HIBCH: variants seen among roughly 807,000 people sequenced by gnomAD.
The protein encoded by HIBCH is 3-hydroxyisobutyryl-CoA hydrolase.
HIBCH carries 50 observed loss-of-function variants against 58.2 expected under a neutral mutation model. That is an observed-to-expected ratio of 0.86 (90% CI 0.68 to 1.09). The LOEUF (loss-of-function observed/expected upper bound fraction) is 1.09. Among genes scored for constraint, HIBCH ranks in the 50% least tolerant of loss-of-function variants. The pLI is 0.00. For synonymous variants in HIBCH, 151 were observed against 146.9 expected (o/e 1.03, Z -0.20); for missense variants, 450 against 449.7 (o/e 1.00, Z -0.01).
chr2:190,288,455 A>G (rs1198463005), intron 5 of HIBCH, among the ~76,000 whole-genome samples: 2 of 150,362 alleles, frequency 1.3e-5, no homozygotes, highest in African/African-American at 4.9e-5. Context: ...ATTTCTGGAG[A>G]AACTTTTGCA....
chr2:190,242,277 T>C (rs1364929968), intron 11 of HIBCH, among the ~76,000 whole-genome samples: 1 of 151,832 alleles, frequency 6.6e-6, no homozygotes, highest in Non-Finnish European at 1.5e-5. Flanking sequence ...TTCAAGAAGA[T>C]TTATGTTCTT....
intron 11 of HIBCH, among the ~76,000 whole-genome samples, chr2:190,237,149 T>C (rs1277338809): frequency 1.3e-5 from 2 of 152,228 alleles, no homozygotes; most frequent in East Asian, 3.8e-4. Context: ...TGCATAGTTC[T>C]ATGAGTTTTG....
chr2:190,297,746 T>G (rs1688141760), intron 2 of HIBCH, among the ~76,000 whole-genome samples: 1 of 152,196 alleles, frequency 6.6e-6, no homozygotes. Context: ...TCAGGACTCA[T>G]GGCATCACTA....
chr2:190,196,707 C>T (rs1689995599), intron 1 of HIBCH, among the ~76,000 whole-genome samples: 1 of 152,056 alleles, frequency 6.6e-6, no homozygotes, highest in African/African-American at 2.4e-5. Flanking sequence ...TGAACTTAGT[C>T]AAATGTGGTC....
At chr2:190,297,702 C>T (rs1005676844) in intron 2 of HIBCH, among the ~76,000 whole-genome samples, 4 of 152,210 alleles carry the variant, frequency 2.6e-5, no homozygotes, top group African/African-American at 7.2e-5. Context: ...TTTAACTATA[C>T]TGTGATTTCC....
chr2:190,215,499 C>A lies in HIBCH; in HGVS notation c.892-2424G>T, dbSNP rs1333717633. ...GCTGCAGAGGCTCAGTGATCAAATG[C>A]GAAAATATTCAGGATTAAATCCAGA... On this transcript the variant is annotated intron_variant, in intron 11 of 13. Coordinates refer to ENST00000359678, the MANE Select transcript of HIBCH (RefSeq NM_014362.4). The surrounding 1 kb of genome is among the most constrained non-coding windows in gnomAD (Gnocchi z 4.4). The A allele has an allele frequency of 1.3e-5, 2 of 152,088 alleles. No individual in the cohort carries two copies. Among genetic ancestry groups the A allele is most frequent in the African/African-American group, 2.4e-5 (1 of 41,414 alleles). The allele number at this position is 152,088 out of a possible 1,614,324, so 9.4% of individuals were successfully genotyped here. A position where few individuals can be genotyped will look rare whatever the true frequency, so the allele number is the denominator to read the frequency against.
At position 190,309,656 on chromosome 2, in the gene HIBCH, C is replaced by T. The variant is rs184912725; in HGVS notation, c.78+1098G>A. 5.5e-3 allele frequency among the ~76,000 whole-genome samples: 835 copies of T among 151,554 alleles called. 5 individuals carry two copies. The highest frequency in any genetic ancestry group is 0.019 in the African/African-American group (794 of 41,266). ...CTGCAAGCTCTGCCTCCCGGGTTCA[C>T]GCCATTCTCCTGCCTCAGCCTCCTG... On this transcript the variant is annotated intron_variant, in intron 2 of 13. Coordinates refer to ENST00000359678, the MANE Select transcript of HIBCH (RefSeq NM_014362.4).
At chr2:190,255,653 T>C (rs1014742604) in intron 7 of HIBCH, among the ~76,000 whole-genome samples, 7 of 152,244 alleles carry the variant, frequency 4.6e-5, no homozygotes, top group African/African-American at 1.7e-4. Context: ...TCCAACTTCA[T>C]GCCTTGAGTG....
chr2:190,247,459 T>C (rs1686642751), intron 9 of HIBCH, among the ~76,000 whole-genome samples: 1 of 152,304 alleles, frequency 6.6e-6, no homozygotes, highest in African/African-American at 2.4e-5. Flanking sequence ...CTCCACCAAG[T>C]ACTTGGTGGC....
At position 190,197,883 on chromosome 2, in the gene HIBCH, C is replaced by T. The variant is rs989845554; in HGVS notation, c.*17+7217G>A. Among the ~76,000 whole-genome samples the T allele has an allele frequency of 1.5e-4, 23 of 152,110 alleles. No homozygotes were observed. The highest frequency in any genetic ancestry group is 1.4e-3 in the Admixed American group (22 of 15,258). Reference sequence around the variant, plus strand: ...GTTCCACTGATGGTTCCACTCACAGCCTTTTATTTATCTGACACTCATTGA... The same window carrying T: ...GTTCCACTGATGGTTCCACTCACAGTCTTTTATTTATCTGACACTCATTGA... On this transcript the variant is annotated intron_variant, in intron 1 of 1. Transcript: ENST00000399855. This position sits in a 1 kb window ranked among gnomAD's most constrained non-coding sequence, Gnocchi z 4.0.
In HIBCH at chr2:190,252,149, T is replaced by C. The variant is rs370615209; in HGVS notation, c.663+13A>G. On this transcript the variant is annotated intron_variant, in intron 8 of 13. Coordinates refer to ENST00000359678, the MANE Select transcript of HIBCH (RefSeq NM_014362.4). ...ATTCCAACAATACAAAATGCAAACA[T>C]CTGAAAAAGTACCTTTTCAGAATCT... 4.3e-6 allele frequency: 7 copies of C among 1,612,970 alleles called. No individual in the cohort carries two copies. In the African/African-American group the frequency reaches 8.0e-5, roughly 18 times the overall value.
intron 12 of HIBCH, 70 bp downstream of exon 12, chr2:190,212,886 T>C: frequency 7.3e-7 from 1 of 1,374,344 alleles, no homozygotes; most frequent in Non-Finnish European, 1.0e-6. Flanking sequence ...TTAGTGTATT[T>C]TACAAGTTCT....
intron 3 of HIBCH, among the ~76,000 whole-genome samples, 183 bp from the exon 4 acceptor site, chr2:190,294,813 C>CCTTTATCAAAAAGCAA (rs1308384872): frequency 6.6e-6 from 1 of 152,196 alleles, no homozygotes; most frequent in African/African-American, 2.4e-5. Context: ...AAATGAACTT[C>CCTTTATCAAAAAGCAA]ATATGCTTTT....
intron 8 of HIBCH, chr2:190,250,476 G>T: frequency 2.4e-6 from 1 of 418,366 alleles, no homozygotes. Flanking sequence ...ATCCTCTACA[G>T]CCCTGAGAAT....
downstream of HIBCH, chr2:190,200,237 A>T: frequency 9.7e-7 from 1 of 1,030,116 alleles, no homozygotes; most frequent in East Asian, 2.4e-5. Context: ...AGTACAAATA[A>T]CTATCTGGAT....
intron 4 of HIBCH, among the ~76,000 whole-genome samples, chr2:190,293,511 C>CTG (rs1688009761): frequency 6.6e-6 from 1 of 151,938 alleles, no homozygotes; most frequent in African/African-American, 2.4e-5. Flanking sequence ...GTAGGCAAAA[C>CTG]AACAGATTCA....
At chr2:190,271,315 G>T (rs1427911734) in intron 6 of HIBCH, among the ~76,000 whole-genome samples, 1 of 126,828 alleles carries the variant, frequency 7.9e-6, no homozygotes, top group African/African-American at 3.0e-5. Context: ...TTGAGAGGGA[G>T]TCTTGCTCTG....
At chr2:190,212,872 G>T in intron 12 of HIBCH, 84 bp downstream of exon 12, 1 of 1,205,754 alleles carries the variant, frequency 8.3e-7, no homozygotes, top group Non-Finnish European at 1.2e-6. Flanking sequence ...TTTCTTGTTT[G>T]CACTTAGTGT....
chr2:190,239,652 T>TTTTTTTTGTTTTTTTTG lies in HIBCH; in HGVS notation c.891+5234_891+5235insCAAAAAAAACAAAAAAA, dbSNP rs1553498929. Reference sequence around the variant, plus strand: ...TCCTTGAGCAGTGGTTTGTAGTTTTTTTTTTTTTTTTTTTGAGACAGAGTT... The same window carrying TTTTTTTTGTTTTTTTTG: ...TCCTTGAGCAGTGGTTTGTAGTTTTTTTTTTTTGTTTTTTTTGTTTTTTTTTTTTTTGAGACAGAGTT... On this transcript the variant is annotated intron_variant, in intron 11 of 13. Transcript: ENST00000359678. 4.1e-3 allele frequency among the ~76,000 whole-genome samples: 619 copies of TTTTTTTTGTTTTTTTTG among 149,568 alleles called. 2 individuals carry two copies. Among genetic ancestry groups the TTTTTTTTGTTTTTTTTG allele is most frequent in the African/African-American group, 0.014 (588 of 40,642 alleles).
Sources: gnomAD v4.1 joint callset for allele counts (sites outside exome capture counted in the v4.1 genomes callset) on GRCh38, gnomAD v4.1.1 for gene constraint, Gnocchi (gnomAD v3.1) non-coding constraint, MANE v1.5 for transcripts, NCBI Gene and HGNC (gene_info 2026-07-23, HGNC 2026-07-21) for gene names.